KLC1: variants seen among roughly 807,000 people sequenced by gnomAD.
KLC1 encodes kinesin 2 60/70kDa.
A neutral mutation model predicts 84.2 loss-of-function variants in KLC1; 30 were observed. That is an observed-to-expected ratio of 0.36 (90% CI 0.27 to 0.48). The LOEUF (loss-of-function observed/expected upper bound fraction) is 0.48. Ranked by LOEUF, KLC1 falls within the 20% of genes least tolerant of loss-of-function variation. The probability of loss-of-function intolerance (pLI) is 0.99; values close to 1 mark genes in which losing one functional copy is unlikely to be tolerated. For synonymous variants in KLC1, 289 were observed against 293.3 expected, an observed-to-expected ratio of 0.99 and a Z score of 0.15; for missense variants, 499 against 805.4, an observed-to-expected ratio of 0.62 and a Z score of 4.60.
chr14:103,654,703 C>G lies in KLC1; in HGVS notation c.139C>G (p.Gln47Glu), dbSNP rs1224818697. Residue 47 changes from glutamine to glutamate, a missense_variant, in exon 2 of 17, where the codon CAA becomes GAA. Gln to Glu is a conservative substitution (Grantham distance 29). Transcript: ENST00000334553. The stretch of plus-strand genomic sequence containing the variant: ...GAAGAATGAGCACAATTCCATTTTA[C>G]AAAGTTTGCTGGAGACACTGAAGTG... ...ALKNEHNSIL[Q>E]SLLETLKCLK... The G allele has an allele frequency of 6.2e-7, 1 of 1,614,034 alleles. No individual in the cohort carries two copies. The highest frequency in any genetic ancestry group is 1.3e-5 in the African/African-American group (1 of 74,916).
At chr14:103,674,270 A>G (rs117344267) in intron 9 of KLC1, among the ~76,000 whole-genome samples, 2,058 of 152,310 alleles carry the variant, frequency 0.014, 118 homozygotes, top group Admixed American at 0.11. Flanking sequence ...TTTTAGTGTG[A>G]GTACCTTTCA....
intron 13 of KLC1, chr14:103,683,041 A>G (rs990758841): frequency 1.3e-5 from 2 of 152,254 alleles, no homozygotes; most frequent in Non-Finnish European, 2.9e-5. Flanking sequence ...TATAATAACC[A>G]CATACACCAG....
At chr14:103,642,382 C>T (rs1330806479) in intron 1 of KLC1, among the ~76,000 whole-genome samples, 2 of 152,142 alleles carry the variant, frequency 1.3e-5, no homozygotes, top group African/African-American at 4.8e-5. Context: ...GATTCCATTG[C>T]AATAACCTTG....
At chr14:103,657,979 T>G (rs2078950148) in intron 3 of KLC1, among the ~76,000 whole-genome samples, 1 of 152,220 alleles carries the variant, frequency 6.6e-6, no homozygotes, top group Non-Finnish European at 1.5e-5. Context: ...TGTCCCGAGG[T>G]CTGCCCCAGC....
At chr14:103,700,910 G>T (rs1252508889) in intron 16 of KLC1, among the ~76,000 whole-genome samples, 183 bp downstream of exon 16, 1 of 152,346 alleles carries the variant, frequency 6.6e-6, no homozygotes, top group East Asian at 1.9e-4. Context: ...GGGCCACAGA[G>T]TGGGGGGGTG....
At chr14:103,635,158 A>C (rs889169961) in intron 1 of KLC1, among the ~76,000 whole-genome samples, 1 of 152,248 alleles carries the variant, frequency 6.6e-6, no homozygotes, top group African/African-American at 2.4e-5. Flanking sequence ...AGTTACGTGC[A>C]TACGTGAACT....
Position 103,701,441 on chromosome 14 carries a change from A to G in KLC1, c.*242A>G, listed in dbSNP as rs541126019. 4 of 451,968 alleles carry G rather than the reference A, an allele frequency of 8.9e-6. No individual in the cohort carries two copies. The highest frequency in any genetic ancestry group is 7.9e-5 in the African/African-American group (4 of 50,698). 28.0% of individuals were successfully genotyped at this position (451,968 alleles called of 1,614,324 possible). On this transcript the variant is annotated 3_prime_UTR_variant, in exon 17 of 17. Transcript: ENST00000334553. ...TGGTCTCTCCCAGGAGACCTGGGGC[A>G]TGAGCTGGGCCCACGGCTCCCTTCC...
At chr14:103,637,908 C>A (rs1236981959) in intron 1 of KLC1, among the ~76,000 whole-genome samples, 2 of 152,082 alleles carry the variant, frequency 1.3e-5, no homozygotes, top group Admixed American at 1.3e-4. Flanking sequence ...CCTGGCTAGT[C>A]TTTAACTTCT....
chr14:103,678,961 TAAG>T (rs1403503574), intron 12 of KLC1, among the ~76,000 whole-genome samples: 3 of 152,280 alleles, frequency 2.0e-5, no homozygotes, highest in Admixed American at 6.5e-5. Context: ...CTGGCTATAA[TAAG>T]CGAACAAATG....
chr14:103,643,321 G>C (rs2077634484), intron 1 of KLC1, among the ~76,000 whole-genome samples: 1 of 152,122 alleles, frequency 6.6e-6, no homozygotes, highest in Non-Finnish European at 1.5e-5. Context: ...AGTATGGAAT[G>C]GGATGACTGT....
At position 103,657,809 on chromosome 14, in the gene KLC1, G is replaced by C. The variant is rs111531278; in HGVS notation, c.492+33G>C. 3 of 1,489,892 alleles carry C rather than the reference G, an allele frequency of 2.0e-6. No homozygotes were observed. In the African/African-American group the frequency reaches 4.1e-5, roughly 21 times the overall value. 92.3% of individuals were successfully genotyped at this position (1,489,892 alleles called of 1,614,324 possible). On this transcript the variant is annotated intron_variant, in intron 3 of 16. Coordinates refer to ENST00000334553, the MANE Select transcript of KLC1 (RefSeq NM_001394837.1). ...GCTCTGTAGCAAATGTGGTGCTAAT[G>C]TTTAAAATGGAGTCACTGGGAAAGT...
In KLC1 at chr14:103,677,400, T is replaced by C; in HGVS notation, c.1380-15T>C. ...TTATATGTCATAGTTCTGTATGTCA[T>C]GTGCTTTCTTACAGTCCAACTGTTA... On this transcript the variant is annotated splice_polypyrimidine_tract_variant and intron_variant, in intron 11 of 16. Transcript: ENST00000334553. 1 of 1,484,728 alleles carries C rather than the reference T, an allele frequency of 6.7e-7. No individual in the cohort carries two copies. Among genetic ancestry groups the C allele is most frequent in the Non-Finnish European group, 9.4e-7 (1 of 1,062,062 alleles). The allele number at this position is 1,484,728 out of a possible 1,614,324, so 92.0% of individuals were successfully genotyped here. A position where few individuals can be genotyped will look rare whatever the true frequency, so the allele number is the denominator to read the frequency against.
At chr14:103,696,027 TGAGAGGAACCCCACGC>T in intron 15 of KLC1, 1 of 984,418 alleles carries the variant, frequency 1.0e-6, no homozygotes, top group African/African-American at 1.8e-5. Flanking sequence ...GTCGTTCTGG[TGAGAGGAACCCCACGC>T]GAGAGTCAGC....
Position 103,669,384 on chromosome 14 carries a change from A to C in KLC1, c.798-127A>C, listed in dbSNP as rs2080183856. ...GTGAGGCGGAGGTTGCAGTGAGCCA[A>C]GATGGCACCACTGCACTCCAACCTG... On this transcript the variant is annotated intron_variant, in intron 5 of 16. Coordinates refer to ENST00000334553, the MANE Select transcript of KLC1 (RefSeq NM_001394837.1). 5.4e-6 allele frequency: 3 copies of C among 552,482 alleles called. No homozygotes were observed. In the South Asian group the frequency reaches 6.7e-5, roughly 12 times the overall value. The allele number at this position is 552,482 out of a possible 1,614,324, so 34.2% of individuals were successfully genotyped here.
At chr14:103,641,071 T>C (rs1159304184) in intron 1 of KLC1, among the ~76,000 whole-genome samples, 1 of 152,084 alleles carries the variant, frequency 6.6e-6, no homozygotes, top group Non-Finnish European at 1.5e-5. Flanking sequence ...ATTACAGGCA[T>C]GCGCTACTAT....
In KLC1 at chr14:103,662,932, G is replaced by A. The variant is rs1259248948; in HGVS notation, c.797+5G>A. On this transcript the variant is annotated splice_donor_5th_base_variant and intron_variant, in intron 5 of 16. Coordinates refer to ENST00000334553, the MANE Select transcript of KLC1 (RefSeq NM_001394837.1). ...CATCCTGGCCTTGGTGTACAGGCTAGTCACTTTTGTTTACCTACTGAATTT... is the reference window on the plus strand; with the variant it reads ...CATCCTGGCCTTGGTGTACAGGCTAATCACTTTTGTTTACCTACTGAATTT... The A allele has an allele frequency of 6.3e-7, 1 of 1,592,370 alleles. No homozygotes were observed. The highest frequency in any genetic ancestry group is 8.5e-7 in the Non-Finnish European group (1 of 1,170,214).
rs536826342 is a variant in KLC1 at position 103,658,428 on chromosome 14, G to GTTTTTTTT, written c.492+671_492+678dup. On this transcript the variant is annotated intron_variant, in intron 3 of 16. Transcript: ENST00000334553. Reference sequence around the variant, plus strand: ...GGTGTGTGACACCATGCCCAGCTAAGTTTTTTTTTTTTTTTTTTTTTTTTT... The same window carrying GTTTTTTTT: ...GGTGTGTGACACCATGCCCAGCTAAGTTTTTTTTTTTTTTTTTTTTTTTTTTTTTTTTT... 2.2e-4 allele frequency among the ~76,000 whole-genome samples: 20 copies of GTTTTTTTT among 91,224 alleles called. 1 individual carries two copies. In the East Asian group the frequency reaches 6.3e-3, roughly 29 times the overall value. The allele number at this position is 91,224 out of a possible 152,430, so 59.8% of individuals were successfully genotyped here.
intron 6 of KLC1, 149 bp from the exon 7 acceptor site, chr14:103,670,033 G>A: frequency 1.7e-6 from 1 of 572,096 alleles, no homozygotes; most frequent in Non-Finnish European, 3.1e-6. Flanking sequence ...CTAGTGAATT[G>A]CGCTTTTCAT....
chr14:103,672,381 A>G (rs1292276461), intron 7 of KLC1, among the ~76,000 whole-genome samples: 1 of 152,174 alleles, frequency 6.6e-6, no homozygotes, highest in Non-Finnish European at 1.5e-5. Flanking sequence ...TTCGATGCGG[A>G]GATTACATTG....
Sources: gnomAD v4.1 joint callset for allele counts (sites outside exome capture counted in the v4.1 genomes callset) on GRCh38, gnomAD v4.1.1 for gene constraint, MANE v1.5 for transcripts, NCBI Gene and HGNC (gene_info 2026-07-23, HGNC 2026-07-21) for gene names.